The following PCSK6 variants were observed in gnomAD, a reference collection of about 807,000 sequenced individuals.
PCSK6 encodes paired basic amino acid cleaving enzyme 4.
A neutral mutation model predicts 123.3 loss-of-function variants in PCSK6; 85 were observed. The observed-to-expected ratio is 0.69, with a 90% CI of 0.58 to 0.83. The LOEUF is 0.83. Ranked by LOEUF, PCSK6 falls within the 40% of genes least tolerant of loss-of-function variation. The pLI is 0.00. For synonymous variants in PCSK6, 508 were observed against 516.0 expected (o/e 0.98, Z 0.21); for missense variants, 1,191 against 1,282.3 (o/e 0.93, Z 1.09).
At chr15:101,370,652 C>A in intron 11 of PCSK6, 129 bp from the exon 12 acceptor site, 1 of 776,508 alleles carries the variant, frequency 1.3e-6, no homozygotes, top group South Asian at 3.5e-5. Context: ...CCCGGGGAGC[C>A]GCAGCAGCCT....
chr15:101,442,586 C>A (rs1190486313), intron 2 of PCSK6, among the ~76,000 whole-genome samples: 1 of 152,054 alleles, frequency 6.6e-6, no homozygotes, highest in African/African-American at 2.4e-5. Flanking sequence ...TGGGTTGGGG[C>A]AACACCAAGA....
chr15:101,456,731 C>G (rs563721812), intron 1 of PCSK6, among the ~76,000 whole-genome samples: 2 of 152,172 alleles, frequency 1.3e-5, no homozygotes, highest in African/African-American at 4.8e-5. Context: ...GTGGAGGGAA[C>G]ATCTTCTCTA....
rs557188277 is a variant in PCSK6, at chr15:101,389,778, G to A, written c.1210-214C>T. On this transcript the variant is annotated intron_variant, in intron 8 of 21. Transcript: ENST00000611716. ...TCACTTTGTAGGAAGACAGGCAGGG[G>A]CAAGAAGGCCAGCTGGGAGCACAGA... Among the ~76,000 whole-genome samples, 14 of 152,324 alleles carry A rather than the reference G, an allele frequency of 9.2e-5. No individual in the cohort carries two copies. The South Asian group carries it at 2.9e-3, about 32-fold the overall frequency.
chr15:101,372,842 C>T (rs2041625792), intron 11 of PCSK6, among the ~76,000 whole-genome samples: 1 of 152,196 alleles, frequency 6.6e-6, no homozygotes, highest in African/African-American at 2.4e-5. Flanking sequence ...GAAACAGACA[C>T]AAAAGCCTTA....
At chr15:101,472,013 T>A (rs1243302654) in intron 1 of PCSK6, among the ~76,000 whole-genome samples, 1 of 139,376 alleles carries the variant, frequency 7.2e-6, no homozygotes, top group Non-Finnish European at 1.6e-5. Context: ...TGGATGGACC[T>A]AAGAAACACG....
intron 13 of PCSK6, chr15:101,346,787 A>G: frequency 8.1e-7 from 1 of 1,231,122 alleles, no homozygotes; most frequent in Non-Finnish European, 1.0e-6. Context: ...GAGGTGAGAC[A>G]AAGGTCATCT....
At chr15:101,413,390 C>A (rs925815009) in intron 6 of PCSK6, among the ~76,000 whole-genome samples, 1 of 151,504 alleles carries the variant, frequency 6.6e-6, no homozygotes, top group Admixed American at 6.6e-5. Context: ...AAAAGCTATA[C>A]AAGAAGACAT....
At chr15:101,364,981 G>A (rs1234491778) in intron 13 of PCSK6, 1 of 778,134 alleles carries the variant, frequency 1.3e-6, no homozygotes, top group South Asian at 1.3e-5. Flanking sequence ...GAACAGAATC[G>A]AGAGTGTGGA....
intron 13 of PCSK6, among the ~76,000 whole-genome samples, chr15:101,358,378 C>CA (rs2041108561): frequency 6.6e-6 from 1 of 152,200 alleles, no homozygotes; most frequent in Non-Finnish European, 1.5e-5. Flanking sequence ...CAAGCCCTTC[C>CA]TTGTTTCTTT....
At chr15:101,432,409 GC>G (rs2056475327) in intron 2 of PCSK6, among the ~76,000 whole-genome samples, 1 of 144,898 alleles carries the variant, frequency 6.9e-6, no homozygotes, top group Non-Finnish European at 1.5e-5. Context: ...GATCGCCTGA[GC>G]CCAGGAGTTT....
intron 7 of PCSK6, among the ~76,000 whole-genome samples, 192 bp from the exon 8 acceptor site, chr15:101,393,616 G>T (rs1470885127): frequency 2.0e-5 from 3 of 152,216 alleles, no homozygotes. Context: ...GCCTTTGCCT[G>T]TAGCAGCAGC....
At chr15:101,461,145 G>T (rs115350202) in intron 1 of PCSK6, among the ~76,000 whole-genome samples, 1 of 152,030 alleles carries the variant, frequency 6.6e-6, no homozygotes, top group Non-Finnish European at 1.5e-5. Flanking sequence ...AAATTAAGGC[G>T]CAAACGAATA....
At position 101,398,575 on chromosome 15, in the gene PCSK6, G is replaced by A. The variant is rs760208498; in HGVS notation, c.825C>T (p.Gly275=). ...VGIAYNAKIG[G]IRMLDGDVTD... ...TGACATCGCCGTCCAGCATGCGGATGCCTGAAAGCACAGAGGAGGCTCGGT... is the reference window on the plus strand; with the variant it reads ...TGACATCGCCGTCCAGCATGCGGATACCTGAAAGCACAGAGGAGGCTCGGT... The change falls in exon 7 of 22, where the codon GGC becomes GGT. Residue 275 remains glycine (G), a splice_region_variant and synonymous_variant. Coordinates refer to ENST00000611716, the MANE Select transcript of PCSK6 (RefSeq NM_002570.5). This position sits in a 1 kb window ranked among gnomAD's most constrained non-coding sequence, Gnocchi z 4.6. 6.2e-7 allele frequency: 1 copy of A among 1,610,954 alleles called. No individual in the cohort carries two copies. Among genetic ancestry groups the A allele is most frequent in the South Asian group, 1.1e-5 (1 of 90,992 alleles).
At chr15:101,475,303 A>G (rs986366867) in intron 1 of PCSK6, among the ~76,000 whole-genome samples, 1 of 152,264 alleles carries the variant, frequency 6.6e-6, no homozygotes, top group African/African-American at 2.4e-5. Flanking sequence ...GGCAAAGCCA[A>G]CAAACACTCT....
At chr15:101,348,902 C>T (rs764227301) in intron 13 of PCSK6, among the ~76,000 whole-genome samples, 3 of 152,190 alleles carry the variant, frequency 2.0e-5, no homozygotes, top group Non-Finnish European at 4.4e-5. Flanking sequence ...TGGTCTCCTC[C>T]CGCCACCCTC....
Position 101,393,443 on chromosome 15 carries a change from CA to C in PCSK6, c.997-20del. ...GCCGGCCCTGGAGGGACAAGAGGAA[CA>C]AGGCTTAGCCCCGCAGCAGAACCTC... On this transcript the variant is annotated intron_variant, in intron 7 of 21. Transcript: ENST00000611716. 2 of 1,593,880 alleles carry C rather than the reference CA, an allele frequency of 1.3e-6. No individual in the cohort carries two copies. Among genetic ancestry groups the C allele is most frequent in the Non-Finnish European group, 1.7e-6 (2 of 1,171,660 alleles).
At chr15:101,337,715 C>A (rs541659578) in intron 13 of PCSK6, among the ~76,000 whole-genome samples, 1 of 152,198 alleles carries the variant, frequency 6.6e-6, no homozygotes, top group Admixed American at 6.5e-5. Context: ...ATCACGGGGG[C>A]AGGGAACATG....
intron 11 of PCSK6, 75 bp from the exon 12 acceptor site, chr15:101,370,598 GC>G: frequency 7.6e-7 from 1 of 1,315,050 alleles, no homozygotes. Context: ...GAGCTCCAGC[GC>G]CCGTCCACTC....
At chr15:101,352,822 C>A (rs894311613) in intron 13 of PCSK6, among the ~76,000 whole-genome samples, 2 of 152,200 alleles carry the variant, frequency 1.3e-5, no homozygotes, top group African/African-American at 4.8e-5. Context: ...GACGGCTAAC[C>A]CTTCTTTGTG....
Sources: gnomAD v4.1 joint callset for allele counts (sites outside exome capture counted in the v4.1 genomes callset) on GRCh38, gnomAD v4.1.1 for gene constraint, Gnocchi (gnomAD v3.1) non-coding constraint, MANE v1.5 for transcripts, NCBI Gene and HGNC (gene_info 2026-07-23, HGNC 2026-07-21) for gene names.